Variants in MCPH1 observed in about 807,000 individuals in gnomAD.
MCPH1 encodes the protein microcephalin.
MCPH1 carries 104 observed loss-of-function variants against 84.5 expected under a neutral mutation model. The ratio of observed to expected loss-of-function variants is 1.23; its 90% CI spans 1.05 to 1.45. The LOEUF (loss-of-function observed/expected upper bound fraction) is 1.45, where lower values mean the gene tolerates loss of function less well. MCPH1 is among the 40% of genes most tolerant of loss of function. The probability of loss-of-function intolerance (pLI) is 0.00; values close to 1 mark genes in which losing one functional copy is unlikely to be tolerated. For missense variants in MCPH1, 1,498 were observed against 1,005.7 expected, an observed-to-expected ratio of 1.49 and a Z score of -6.62; for synonymous variants, 514 against 366.8, an observed-to-expected ratio of 1.40 and a Z score of -4.58.
chr8:6,516,401 G>C (rs140749090), intron 12 of MCPH1, among the ~76,000 whole-genome samples: 25 of 152,158 alleles, frequency 1.6e-4, no homozygotes, highest in Non-Finnish European at 3.1e-4. Flanking sequence ...CCTTCTAAGT[G>C]ATATATAGGA....
At chr8:6,474,469 A>C (rs577727932) in intron 9 of MCPH1, among the ~76,000 whole-genome samples, 1 of 152,268 alleles carries the variant, frequency 6.6e-6, no homozygotes, top group Non-Finnish European at 1.5e-5. Context: ...GTCTCCAAAA[A>C]AAAAATTGCA....
chr8:6,522,085 G>T (rs764296609), intron 12 of MCPH1, among the ~76,000 whole-genome samples: 6 of 152,262 alleles, frequency 3.9e-5, no homozygotes, highest in African/African-American at 1.4e-4. Context: ...GCCGGGCGCA[G>T]TGGCTCACGC....
chr8:6,503,930 G>A (rs1489595965), intron 12 of MCPH1, among the ~76,000 whole-genome samples: 1 of 152,206 alleles, frequency 6.6e-6, no homozygotes. Flanking sequence ...AAGAAACACA[G>A]TAGTCCCCCC....
chr8:6,508,699 G>C (rs1181289889), intron 12 of MCPH1: 1 of 624,794 alleles, frequency 1.6e-6, no homozygotes, highest in Non-Finnish European at 2.8e-6. Context: ...CCAGGGCTAG[G>C]TCCTGAGGAG....
intron 9 of MCPH1, among the ~76,000 whole-genome samples, chr8:6,464,225 T>A (rs1034508129): frequency 3.3e-5 from 5 of 152,202 alleles, no homozygotes; most frequent in Non-Finnish European, 7.3e-5. Context: ...ATTGCTTTGA[T>A]AAATCACTTT....
chr8:6,409,238 G>C (rs566118148), intron 1 of MCPH1, 41 bp from the exon 2 acceptor site: 1 of 1,518,274 alleles, frequency 6.6e-7, no homozygotes, highest in Non-Finnish European at 9.1e-7. Flanking sequence ...GGGGATGCTG[G>C]AATTTCAAAT....
chr8:6,502,992 C>T, intron 12 of MCPH1: 1 of 1,332,168 alleles, frequency 7.5e-7, no homozygotes, highest in Non-Finnish European at 1.0e-6. Context: ...GCACCGAGCA[C>T]ACGCCCTCTG....
intron 9 of MCPH1, among the ~76,000 whole-genome samples, chr8:6,462,732 G>GAAT (rs1314473374): frequency 6.6e-6 from 1 of 152,104 alleles, no homozygotes; most frequent in African/African-American, 2.4e-5. Flanking sequence ...TATAAAACAG[G>GAAT]AATAATAATA....
intron 9 of MCPH1, among the ~76,000 whole-genome samples, chr8:6,470,573 C>G (rs529372199): frequency 2.0e-5 from 3 of 152,328 alleles, no homozygotes; most frequent in East Asian, 3.9e-4. Flanking sequence ...ATGTGAGCCA[C>G]CATGCCAGGC....
intron 12 of MCPH1, chr8:6,527,651 T>G: frequency 6.2e-7 from 1 of 1,613,932 alleles, no homozygotes; most frequent in Non-Finnish European, 8.5e-7. Flanking sequence ...GAGCTGAAGT[T>G]CAAGTCTCGT....
Position 6,500,070 on chromosome 8 carries a change from A to G in MCPH1, c.2214+141A>G, listed in dbSNP as rs930516315. On this transcript the variant is annotated intron_variant, in intron 12 of 13. Coordinates refer to ENST00000344683, the MANE Select transcript of MCPH1 (RefSeq NM_024596.5). ...TAAAAAGACATTCACAGAACTTAAC[A>G]CCTTTTATCAATTTATTCGCGAGAA... is the stretch of plus-strand genomic sequence containing the variant. 1.4e-5 allele frequency: 10 copies of G among 721,538 alleles called. No homozygotes were observed. The African/African-American group carries it at 1.7e-4, about 13-fold the overall frequency. The allele number at this position is 721,538 out of a possible 1,614,324, so 44.7% of individuals were successfully genotyped here. A position where few individuals can be genotyped will look rare whatever the true frequency, so the allele number is the denominator to read the frequency against.
chr8:6,583,492 G>T (rs1827728736), intron 12 of MCPH1, among the ~76,000 whole-genome samples: 1 of 152,234 alleles, frequency 6.6e-6, no homozygotes, highest in African/African-American at 2.4e-5. Context: ...GCACAGGGAA[G>T]AGATCAAGTG....
At chr8:6,553,999 G>A (rs1024700953) in intron 12 of MCPH1, among the ~76,000 whole-genome samples, 3 of 151,832 alleles carry the variant, frequency 2.0e-5, no homozygotes, top group Non-Finnish European at 4.4e-5. Flanking sequence ...ATAGAGAGAC[G>A]AGCGCACAAC....
chr8:6,429,416 C>A (rs1455889050), intron 3 of MCPH1, among the ~76,000 whole-genome samples: 1 of 152,066 alleles, frequency 6.6e-6, no homozygotes, highest in African/African-American at 2.4e-5. Flanking sequence ...CCTGCCCCAC[C>A]CCAGACTGCT....
At chr8:6,564,442 T>C (rs891225197) in intron 12 of MCPH1, among the ~76,000 whole-genome samples, 1 of 152,172 alleles carries the variant, frequency 6.6e-6, no homozygotes, top group Admixed American at 6.5e-5. Context: ...ACTCACAAGA[T>C]TTTTCACCTT....
chr8:6,514,117 A>G (rs1815747865), intron 12 of MCPH1, among the ~76,000 whole-genome samples: 1 of 152,206 alleles, frequency 6.6e-6, no homozygotes, highest in Non-Finnish European at 1.5e-5. Flanking sequence ...AGCTCAGTTC[A>G]TGGGAATGTG....
At chr8:6,515,869 G>A (rs1020209396) in intron 12 of MCPH1, among the ~76,000 whole-genome samples, 1 of 152,166 alleles carries the variant, frequency 6.6e-6, no homozygotes, top group Non-Finnish European at 1.5e-5. Flanking sequence ...ATCCTAAAGA[G>A]GAGAGCGAAA....
At chr8:6,599,685 T>C (rs1829218427) in intron 12 of MCPH1, among the ~76,000 whole-genome samples, 1 of 152,256 alleles carries the variant, frequency 6.6e-6, no homozygotes, top group South Asian at 2.1e-4. Context: ...GGAAATAGTC[T>C]CCTGGTAGTT....
chr8:6,514,712 C>T lies in MCPH1; in HGVS notation c.2214+14783C>T, dbSNP rs7813215. The T allele has an allele frequency of 1.0e-3, 1,683 of 1,614,072 alleles. 15 individuals are homozygous for T. The African/African-American group carries it at 0.02, about 19-fold the overall frequency. Reference sequence around the variant, plus strand: ...TCTTTCCAAGTCCTCTGAAAATCAACGCTGCCATCCTCACGTCGCTGAATA... The same window carrying T: ...TCTTTCCAAGTCCTCTGAAAATCAATGCTGCCATCCTCACGTCGCTGAATA... On this transcript the variant is annotated intron_variant, in intron 12 of 13. Transcript: ENST00000344683.
Sources: allele counts gnomAD v4.1 joint callset (sites outside exome capture counted in the v4.1 genomes callset), GRCh38; gene constraint gnomAD v4.1.1; transcripts MANE v1.5; gene names NCBI Gene and HGNC (gene_info 2026-07-23, HGNC 2026-07-21).